The following TMEM135 variants were observed in gnomAD, a reference collection of about 807,000 sequenced individuals.
TMEM135 encodes peroxisomal membrane protein 52.
A neutral mutation model predicts 60.3 loss-of-function variants in TMEM135; 30 were observed. That is an observed-to-expected ratio of 0.50 (90% CI 0.37 to 0.68). The LOEUF is 0.68. Among genes scored for constraint, TMEM135 ranks in the 30% least tolerant of loss-of-function variants. TMEM135 has a pLI of 0.00. For missense variants in TMEM135, 468 were observed against 548.8 expected (o/e 0.85, Z 1.47); for synonymous variants, 190 against 186.7 (o/e 1.02, Z -0.14).
At chr11:87,282,114 A>G (rs866179928) in intron 6 of TMEM135, among the ~76,000 whole-genome samples, 7 of 152,184 alleles carry the variant, frequency 4.6e-5, no homozygotes, top group Non-Finnish European at 1.0e-4. Context: ...GGGGACCAAG[A>G]ATTATATTTC....
intron 6 of TMEM135, among the ~76,000 whole-genome samples, chr11:87,248,609 G>A (rs1941345494): frequency 7.1e-6 from 1 of 141,670 alleles, no homozygotes; most frequent in African/African-American, 2.6e-5. Context: ...GTCATTTGTG[G>A]TTCCATATAA....
intron 5 of TMEM135, among the ~76,000 whole-genome samples, chr11:87,209,526 T>C (rs1940313204): frequency 6.6e-6 from 1 of 152,184 alleles, no homozygotes. Flanking sequence ...GCACTCAACA[T>C]TGGAGTACCC....
intron 6 of TMEM135, among the ~76,000 whole-genome samples, chr11:87,274,569 C>T (rs574823587): frequency 2.0e-5 from 3 of 152,216 alleles, no homozygotes; most frequent in African/African-American, 7.2e-5. Flanking sequence ...TGTACTGACT[C>T]AAGGATACAA....
At chr11:87,194,741 G>T (rs1347556284) in intron 5 of TMEM135, among the ~76,000 whole-genome samples, 1 of 152,068 alleles carries the variant, frequency 6.6e-6, no homozygotes, top group Admixed American at 6.6e-5. Context: ...AGTAGTTGCT[G>T]TAAGTATGGA....
At position 87,328,447 on chromosome 11, in the gene TMEM135, T is replaced by C. The variant is rs1942946139; in HGVS notation, c.*7114T>C. On this transcript the variant is annotated 3_prime_UTR_variant, in exon 15 of 15. Transcript: ENST00000305494. ...ATATTGGTGAAGTCTGAAATTTTAG[T>C]GCACCTGTCACCAGAATAGTGTGCA... 4.4e-6 allele frequency: 2 copies of C among 454,010 alleles called. No individual in the cohort carries two copies. The highest frequency in any genetic ancestry group is 8.8e-6 in the Non-Finnish European group (2 of 226,796). 28.1% of individuals were successfully genotyped at this position (454,010 alleles called of 1,614,324 possible).
At chr11:87,045,897 T>C (rs921935763) in intron 1 of TMEM135, among the ~76,000 whole-genome samples, 1 of 152,214 alleles carries the variant, frequency 6.6e-6, no homozygotes, top group African/African-American at 2.4e-5. Flanking sequence ...CAAGTATTTA[T>C]TGAGTCTGCT....
intron 6 of TMEM135, among the ~76,000 whole-genome samples, chr11:87,244,098 A>G (rs1474285742): frequency 3.2e-4 from 26 of 81,022 alleles, no homozygotes; most frequent in South Asian, 8.1e-4. Context: ...TTCTGCATCT[A>G]TTGAGATAAT....
rs1433078812 is a variant in TMEM135 at position 87,188,937 on chromosome 11, T to C, written c.462+31531T>C. Among the ~76,000 whole-genome samples the C allele has an allele frequency of 2.0e-5, 3 of 152,186 alleles. 1 individual carries two copies. The highest frequency in any genetic ancestry group is 7.2e-5 in the African/African-American group (3 of 41,440). On this transcript the variant is annotated intron_variant, in intron 5 of 14. Transcript: ENST00000305494. ...ATTTGGTACATGTGCCAGTTCAACT[T>C]ATTCTTCATAACTATAATTATTCCA...
At chr11:87,298,895 G>A (rs1258788416) in intron 7 of TMEM135, among the ~76,000 whole-genome samples, 1 of 151,834 alleles carries the variant, frequency 6.6e-6, no homozygotes, top group Non-Finnish European at 1.5e-5. Flanking sequence ...AGACCAGACT[G>A]ACCAACATGG....
At chr11:87,315,620 C>T (rs980980352) in intron 12 of TMEM135, among the ~76,000 whole-genome samples, 16 of 151,914 alleles carry the variant, frequency 1.1e-4, no homozygotes, top group Admixed American at 9.2e-4. Flanking sequence ...AATACTATTA[C>T]TCTTTATTCT....
intron 1 of TMEM135, among the ~76,000 whole-genome samples, chr11:87,053,149 C>G (rs189378591): frequency 1.1e-3 from 114 of 100,596 alleles, no homozygotes; most frequent in African/African-American, 5.4e-3. Context: ...GAATATCACA[C>G]TCTGGGGACT....
At chr11:87,225,562 A>G (rs1411689594) in intron 5 of TMEM135, among the ~76,000 whole-genome samples, 1 of 152,128 alleles carries the variant, frequency 6.6e-6, no homozygotes, top group African/African-American at 2.4e-5. Flanking sequence ...ATTAATGTGG[A>G]CAGGAAGAGT....
chr11:87,258,983 C>T (rs184121492), intron 6 of TMEM135: 44 of 1,528,624 alleles, frequency 2.9e-5, no homozygotes, highest in South Asian at 5.6e-5. Context: ...TCAAAGACAA[C>T]GGGAAGAACC....
intron 5 of TMEM135, among the ~76,000 whole-genome samples, chr11:87,218,481 G>A (rs1266762814): frequency 1.3e-5 from 2 of 152,008 alleles, no homozygotes; most frequent in Non-Finnish European, 2.9e-5. Context: ...GCTCCCTTGG[G>A]CTCTATTTCT....
At chr11:87,077,933 T>A (rs1591001303) in intron 3 of TMEM135, among the ~76,000 whole-genome samples, 1 of 152,240 alleles carries the variant, frequency 6.6e-6, no homozygotes, top group Non-Finnish European at 1.5e-5. Flanking sequence ...ACATTACTTT[T>A]TATTGCCAAA....
chr11:87,266,625 G>T (rs1303981984), intron 6 of TMEM135, among the ~76,000 whole-genome samples: 1 of 152,040 alleles, frequency 6.6e-6, no homozygotes, highest in Non-Finnish European at 1.5e-5. Flanking sequence ...TAATAGGAGG[G>T]GAGAAAAGAG....
intron 5 of TMEM135, among the ~76,000 whole-genome samples, chr11:87,220,935 A>C (rs1386028270): frequency 6.6e-6 from 1 of 152,206 alleles, no homozygotes; most frequent in African/African-American, 2.4e-5. Context: ...ATTTTAAAAT[A>C]AAAATTAATG....
chr11:87,250,764 A>T (rs550405882), intron 6 of TMEM135, among the ~76,000 whole-genome samples: 4 of 152,330 alleles, frequency 2.6e-5, no homozygotes, highest in Non-Finnish European at 4.4e-5. Context: ...CAAATTATAT[A>T]CAGAATTTAG....
intron 5 of TMEM135, among the ~76,000 whole-genome samples, chr11:87,214,890 T>C (rs1191027941): frequency 6.6e-6 from 1 of 152,176 alleles, no homozygotes; most frequent in Non-Finnish European, 1.5e-5. Context: ...AGAGTTTATA[T>C]ATCCATAATT....
Sources: gnomAD v4.1 joint callset for allele counts (sites outside exome capture counted in the v4.1 genomes callset) on GRCh38, gnomAD v4.1.1 for gene constraint, MANE v1.5 for transcripts, NCBI Gene and HGNC (gene_info 2026-07-23, HGNC 2026-07-21) for gene names.